LRIG1: variants seen among roughly 807,000 people sequenced by gnomAD.
LRIG1 encodes leucine-rich repeats and immunoglobulin-like domains protein 1.
Under a neutral mutation model 99.2 loss-of-function variants are expected in LRIG1, and 48 were observed. That is an observed-to-expected ratio of 0.48 (90% CI 0.38 to 0.62). LRIG1 has a LOEUF of 0.62. LRIG1 is among the 20% of genes least tolerant of loss of function. The pLI is 0.00. For missense variants in LRIG1, 1,646 were observed against 1,434.4 expected (o/e 1.15, Z -2.38); for synonymous variants, 772 against 596.1 (o/e 1.29, Z -4.30).
Position 66,500,199 on chromosome 3 carries a change from G to C in LRIG1, c.209C>G (p.Thr70Arg). Residue 70 changes from threonine to arginine, a missense_variant, in exon 1 of 19, where the codon ACG (threonine) becomes AGG (arginine). By Grantham distance (71) the Thr-to-Arg change is moderately conservative. Transcript: ENST00000273261. The stretch of plus-strand genomic sequence containing the variant: ...AAAGGGCGGCACTCACAGGCTCCGC[G>C]TCCAGGAGGGCAGGTCCCCGGGCAA... ...AALPGDLPSW[T>R]RSLNLSYNKL... is the part of the protein sequence containing the mutation. The C allele has an allele frequency of 6.6e-7, 1 of 1,515,844 alleles. No individual in the cohort carries two copies. Among genetic ancestry groups the C allele is most frequent in the Non-Finnish European group, 8.8e-7 (1 of 1,138,484 alleles). The allele number at this position is 1,515,844 out of a possible 1,614,324, so 93.9% of individuals were successfully genotyped here. A position where few individuals can be genotyped will look rare whatever the true frequency, so the allele number is the denominator to read the frequency against.
intron 2 of LRIG1, among the ~76,000 whole-genome samples, chr3:66,460,107 A>T (rs1304324396): frequency 1.3e-5 from 2 of 152,016 alleles, no homozygotes; most frequent in East Asian, 3.9e-4. Context: ...GCCCCTCCCC[A>T]GTCCCAGCCC....
At chr3:66,497,038 C>T (rs1189332334) in intron 1 of LRIG1, among the ~76,000 whole-genome samples, 1 of 152,184 alleles carries the variant, frequency 6.6e-6, no homozygotes, top group Admixed American at 6.5e-5. Flanking sequence ...ACACATAGTA[C>T]AAAGAGATCA....
intron 3 of LRIG1, among the ~76,000 whole-genome samples, chr3:66,441,623 G>A (rs1703542730): frequency 6.6e-6 from 1 of 152,208 alleles, no homozygotes; most frequent in Non-Finnish European, 1.5e-5. Context: ...GCACCACTTT[G>A]GGAGATGCAT....
intron 3 of LRIG1, among the ~76,000 whole-genome samples, chr3:66,426,532 T>G (rs752927163): frequency 4.6e-5 from 7 of 152,196 alleles, no homozygotes; most frequent in Non-Finnish European, 8.8e-5. Flanking sequence ...ACCTCTTAAC[T>G]GCAGAGAGAA....
rs111310467 is a variant in LRIG1, at chr3:66,383,346, T to C, written c.2127A>G (p.Thr709=). ...CCGTGGCTTTGCATTGGAGGGCCAC[T>C]GTTTCTCCCACAGATACCACACGGT... ...LEDRVVSVGE[T]VALQCKATGN... is the part of the protein sequence containing the mutation. The change falls in exon 15 of 19, where the codon ACA becomes ACG. Residue 709 remains threonine, a synonymous_variant. Coordinates refer to ENST00000273261, the MANE Select transcript of LRIG1 (RefSeq NM_015541.3). The C allele has an allele frequency of 3.8e-6, 6 of 1,593,116 alleles. No individual in the cohort carries two copies. The African/African-American group carries it at 6.7e-5, about 18-fold the overall frequency.
chr3:66,414,322 C>G (rs543092574), intron 5 of LRIG1, among the ~76,000 whole-genome samples: 259 of 151,898 alleles, frequency 1.7e-3, no homozygotes, highest in African/African-American at 5.7e-3. Flanking sequence ...GTGTGAACCC[C>G]GGGGGCGGAG....
At position 66,382,277 on chromosome 3, in the gene LRIG1, GC is replaced by G; in HGVS notation, c.2612del (p.Ser871ThrfsTer134). 1 of 1,614,122 alleles carries G rather than the reference GC, an allele frequency of 6.2e-7. No individual in the cohort carries two copies. Among genetic ancestry groups the G allele is most frequent in the South Asian group, 1.1e-5 (1 of 91,080 alleles). ...GGPQANGHIESNGVCPRDASH... is the reference protein window; with the variant it reads ...GGPQANGHIEXNGVCPRDASH... ...TCACAGTTACTGAGGCCTTACCATT[GC>G]TCTCAATGTGCCCATTGGCCTGAGG... On this transcript the variant is annotated frameshift_variant, in exon 16 of 19. Coordinates refer to ENST00000273261, the MANE Select transcript of LRIG1 (RefSeq NM_015541.3). LOFTEE classifies it high-confidence loss of function.
chr3:66,380,232 T>C lies in LRIG1; in HGVS notation c.*31A>G, dbSNP rs781455365. On this transcript the variant is annotated 3_prime_UTR_variant, in exon 19 of 19. Coordinates refer to ENST00000273261, the MANE Select transcript of LRIG1 (RefSeq NM_015541.3). Reference sequence around the variant, plus strand: ...CTCCTACCTCTCTTTCCCGTAGAGATTGGTATGACAAGAACTGAGGTAGAC... The same window carrying C: ...CTCCTACCTCTCTTTCCCGTAGAGACTGGTATGACAAGAACTGAGGTAGAC... 2.5e-5 allele frequency: 39 copies of C among 1,563,132 alleles called. No individual in the cohort carries two copies. The South Asian group carries it at 3.0e-4, about 12-fold the overall frequency.
At chr3:66,448,025 T>C (rs544537854) in intron 3 of LRIG1, among the ~76,000 whole-genome samples, 1 of 152,376 alleles carries the variant, frequency 6.6e-6, no homozygotes, top group African/African-American at 2.4e-5. Flanking sequence ...TATTAAGAGC[T>C]TTCCTTGAGT....
chr3:66,419,548 G>C (rs891831920), intron 3 of LRIG1, among the ~76,000 whole-genome samples: 8 of 152,144 alleles, frequency 5.3e-5, no homozygotes, highest in African/African-American at 1.9e-4. Flanking sequence ...AGGATGCTGA[G>C]GCCAGGAGGA....
At chr3:66,475,592 T>C (rs1253460700) in intron 1 of LRIG1, among the ~76,000 whole-genome samples, 1 of 152,220 alleles carries the variant, frequency 6.6e-6, no homozygotes, top group African/African-American at 2.4e-5. Context: ...AACATGACTC[T>C]GCGAAACTGT....
chr3:66,406,135 C>G, intron 8 of LRIG1: 1 of 985,496 alleles, frequency 1.0e-6, no homozygotes, highest in Non-Finnish European at 1.2e-6. Flanking sequence ...ATCAATGCTG[C>G]CAGCAGAGAG....
chr3:66,491,643 G>T (rs917825684), intron 1 of LRIG1, among the ~76,000 whole-genome samples: 6 of 151,660 alleles, frequency 4.0e-5, no homozygotes, highest in Non-Finnish European at 4.4e-5. Context: ...TAAATAGTAT[G>T]GTATATAAAT....
At chr3:66,412,747 C>T (rs1702509520) in intron 6 of LRIG1, 124 bp downstream of exon 6, 4 of 1,123,224 alleles carry the variant, frequency 3.6e-6, no homozygotes, top group Non-Finnish European at 5.2e-6. Flanking sequence ...GGTGTGGGCG[C>T]ACACACCCAA....
intron 1 of LRIG1, among the ~76,000 whole-genome samples, chr3:66,483,172 GA>G (rs1700889932): frequency 6.6e-6 from 1 of 152,136 alleles, no homozygotes; most frequent in Admixed American, 6.5e-5. Context: ...GCCATTAAAA[GA>G]AACATGTGAG....
At chr3:66,399,838 C>A (rs961922807) in intron 9 of LRIG1, among the ~76,000 whole-genome samples, 1 of 152,206 alleles carries the variant, frequency 6.6e-6, no homozygotes, top group Non-Finnish European at 1.5e-5. Flanking sequence ...AATAAAGCTT[C>A]CCAAAAGAGG....
intron 2 of LRIG1, among the ~76,000 whole-genome samples, chr3:66,456,383 A>G (rs372679923): frequency 6.6e-6 from 1 of 152,070 alleles, no homozygotes; most frequent in Admixed American, 6.5e-5. Flanking sequence ...GTAGTTCGAG[A>G]CTAGCCTGGG....
intron 12 of LRIG1, among the ~76,000 whole-genome samples, chr3:66,389,799 G>A (rs530286852): frequency 1.3e-5 from 2 of 152,248 alleles, no homozygotes; most frequent in South Asian, 4.1e-4. Flanking sequence ...ACAACACTAT[G>A]AGGGGACTTC....
chr3:66,382,577 T>G (rs975917101), intron 15 of LRIG1, among the ~76,000 whole-genome samples, 179 bp from the exon 16 acceptor site: 2 of 138,354 alleles, frequency 1.4e-5, no homozygotes, highest in African/African-American at 5.7e-5. Context: ...AGCTTTACTC[T>G]ACACCCAGCG....
Sources: gnomAD v4.1 joint callset for allele counts (sites outside exome capture counted in the v4.1 genomes callset) on GRCh38, gnomAD v4.1.1 for gene constraint, MANE v1.5 for transcripts, NCBI Gene and HGNC (gene_info 2026-07-23, HGNC 2026-07-21) for gene names.